The following KIR2DL3 variants were observed in gnomAD, a reference collection of about 807,000 sequenced individuals.
KIR2DL3 encodes the protein killer cell immunoglobulin-like receptor 2DL3.
A neutral mutation model predicts 33.8 loss-of-function variants in KIR2DL3; 39 were observed. The observed-to-expected ratio is 1.15, with a 90% CI of 0.89 to 1.51. The LOEUF is 1.51. Among genes scored for constraint, KIR2DL3 ranks in the 40% most tolerant of loss-of-function variants. The pLI is 0.00. For missense variants in KIR2DL3, 462 were observed against 426.2 expected (o/e 1.08, Z -0.74); for synonymous variants, 174 against 160.2 (o/e 1.09, Z -0.65).
intron 6 of KIR2DL3, 116 bp from the exon 7 acceptor site, chr19:54,752,100 T>C: frequency 8.6e-7 from 1 of 1,164,266 alleles, no homozygotes. Flanking sequence ...AGTCTGCTGT[T>C]GGCAACTGAG....
intron 5 of KIR2DL3, among the ~76,000 whole-genome samples, chr19:54,750,834 G>C (rs1173090352): frequency 7.5e-6 from 1 of 134,040 alleles, no homozygotes; most frequent in Non-Finnish European, 1.6e-5. Context: ...GGGACATATG[G>C]AGTCACCCCA....
At chr19:54,740,586 C>T (rs1317214822) in intron 2 of KIR2DL3, among the ~76,000 whole-genome samples, 2 of 151,594 alleles carry the variant, frequency 1.3e-5, no homozygotes, top group African/African-American at 4.9e-5. Flanking sequence ...CTCCTTGTCC[C>T]ACCTCCTGAA....
At position 54,739,510 on chromosome 19, in the gene KIR2DL3, T is replaced by A; in HGVS notation, c.38T>A (p.Phe13Tyr). The A allele has an allele frequency of 1.2e-6, 2 of 1,614,000 alleles. No individual in the cohort carries two copies. Among genetic ancestry groups the A allele is most frequent in the South Asian group, 2.2e-5 (2 of 91,078 alleles). ...LMVVSMVCVG[F>Y]FLLQGAWPHE... Reference sequence around the variant, plus strand: ...CCATCATGATCTTTCTTTCCAGGGTTCTTCTTGCTGCAGGGGGCCTGGCCA... The same window carrying A: ...CCATCATGATCTTTCTTTCCAGGGTACTTCTTGCTGCAGGGGGCCTGGCCA... The change falls in exon 2 of 8, where the codon TTC becomes TAC. Residue 13 changes from phenylalanine to tyrosine, a missense_variant. Phe to Tyr is a conservative substitution (Grantham distance 22). Coordinates refer to ENST00000342376, the MANE Select transcript of KIR2DL3 (RefSeq NM_015868.3).
intron 5 of KIR2DL3, among the ~76,000 whole-genome samples, chr19:54,748,610 A>G (rs2072936156): frequency 6.7e-6 from 1 of 148,398 alleles, no homozygotes; most frequent in Non-Finnish European, 1.5e-5. Context: ...TGTGCATGAA[A>G]TCTATTTTTT....
At chr19:54,744,793 G>T (rs1272334003) in intron 4 of KIR2DL3, among the ~76,000 whole-genome samples, 95 of 149,452 alleles carry the variant, frequency 6.4e-4, no homozygotes, top group African/African-American at 2.1e-3. Context: ...CCAAAGTGCT[G>T]GGATTACAGG....
Position 54,750,546 on chromosome 19 carries a change from C to G in KIR2DL3, c.716-1103C>G, listed in dbSNP as rs1355149855. The stretch of plus-strand genomic sequence containing the variant: ...TTTTGTTTCCTTTTCTTGGAGAATG[C>G]AAGTTGTTTGATTCAAGAATGCTGT... On this transcript the variant is annotated intron_variant, in intron 5 of 7. Coordinates refer to ENST00000342376, the MANE Select transcript of KIR2DL3 (RefSeq NM_015868.3). Among the ~76,000 whole-genome samples, 43 of 137,086 alleles carry G rather than the reference C, an allele frequency of 3.1e-4. 7 individuals are homozygous for G. Among genetic ancestry groups the G allele is most frequent in the African/African-American group, 1.2e-3 (43 of 36,370 alleles). The allele number at this position is 137,086 out of a possible 152,430, so 89.9% of individuals were successfully genotyped here.
chr19:54,742,306 T>C, intron 3 of KIR2DL3, 27 bp downstream of exon 3: 1 of 1,612,760 alleles, frequency 6.2e-7, no homozygotes, highest in Non-Finnish European at 8.5e-7. Flanking sequence ...ATTCTCATTG[T>C]CATTGGGATG....
intron 4 of KIR2DL3, among the ~76,000 whole-genome samples, chr19:54,744,726 C>T (rs1476844177): frequency 6.0e-5 from 9 of 150,522 alleles, no homozygotes; most frequent in Non-Finnish European, 1.3e-4. Flanking sequence ...GGGGTTTCAC[C>T]ATGTTGGTCG....
Position 54,742,147 on chromosome 19 carries a change from G to T in KIR2DL3, c.238G>T (p.Val80Phe). The change falls in exon 3 of 8, where the codon GTC becomes TTC. Residue 80 changes from valine to phenylalanine, a missense_variant. By Grantham distance (50) the Val-to-Phe change is conservative. Coordinates refer to ENST00000342376, the MANE Select transcript of KIR2DL3 (RefSeq NM_015868.3). ...CCTCATTGGAGAGCACCATGATGGG[G>T]TCTCCAAGGCCAACTTCTCCATCGG... ...LHLIGEHHDG[V>F]SKANFSIGPM... The T allele has an allele frequency of 1.2e-6, 2 of 1,614,096 alleles. No individual in the cohort carries two copies. The highest frequency in any genetic ancestry group is 1.7e-5 in the Admixed American group (1 of 60,008).
At chr19:54,748,421 A>G (rs1398198979) in intron 5 of KIR2DL3, among the ~76,000 whole-genome samples, 2 of 140,342 alleles carry the variant, frequency 1.4e-5, no homozygotes, top group African/African-American at 2.6e-5. Context: ...TTCACAAGCT[A>G]TGGAGGCTAG....
intron 4 of KIR2DL3, among the ~76,000 whole-genome samples, chr19:54,746,466 T>C: frequency 6.8e-6 from 1 of 148,042 alleles, no homozygotes; most frequent in African/African-American, 2.5e-5. Context: ...ATGTCTTCCT[T>C]CAGACAAATG....
chr19:54,751,674 G>T lies in KIR2DL3; in HGVS notation c.741G>T (p.Leu247=), dbSNP rs144994184. The T allele has an allele frequency of 3.2e-5, 46 of 1,442,466 alleles. 6 individuals carry two copies. Among genetic ancestry groups the T allele is most frequent in the Middle Eastern group, 1.9e-4 (1 of 5,294 alleles). 89.4% of individuals were successfully genotyped at this position (1,442,466 alleles called of 1,614,324 possible). A position where few individuals can be genotyped will look rare whatever the true frequency, so the allele number is the denominator to read the frequency against. The change falls in exon 6 of 8, where the codon CTG becomes CTT. Residue 247 remains leucine, a synonymous_variant. Coordinates refer to ENST00000342376, the MANE Select transcript of KIR2DL3 (RefSeq NM_015868.3). ...GTAACCCCAGACACCTGCATGTTCTGATTGGGACCTCAGTGGTCATCATCC... is the reference window on the plus strand; with the variant it reads ...GTAACCCCAGACACCTGCATGTTCTTATTGGGACCTCAGTGGTCATCATCC... ...ETGNPRHLHV[L]IGTSVVIILF... is the part of the protein sequence containing the mutation.
chr19:54,742,289 T>A lies in KIR2DL3; in HGVS notation c.370+10T>A. The A allele has an allele frequency of 6.2e-7, 1 of 1,611,160 alleles. No homozygotes were observed. The highest frequency in any genetic ancestry group is 8.5e-7 in the Non-Finnish European group (1 of 1,177,494). ...GACATCGTCATCACAGGTGAGAGTG[T>A]CCGGACATTCTCATTGTCATTGGGA... is the stretch of plus-strand genomic sequence containing the variant. On this transcript the variant is annotated intron_variant, in intron 3 of 7. Transcript: ENST00000342376.
intron 4 of KIR2DL3, among the ~76,000 whole-genome samples, chr19:54,746,393 T>A (rs200810645): frequency 3.5e-3 from 459 of 131,094 alleles, no homozygotes; most frequent in South Asian, 0.011. Context: ...GTTGCTTAGT[T>A]TGAGGTAATC....
chr19:54,744,745 T>G (rs1600379473), intron 4 of KIR2DL3, among the ~76,000 whole-genome samples: 1 of 150,484 alleles, frequency 6.6e-6, no homozygotes, highest in South Asian at 2.1e-4. Context: ...CGAGCTGGTC[T>G]CCAACTCCTG....
chr19:54,746,640 T>G (rs1408539356), intron 4 of KIR2DL3, among the ~76,000 whole-genome samples: 5 of 148,762 alleles, frequency 3.4e-5, no homozygotes, highest in Admixed American at 2.8e-4. Flanking sequence ...CACTGTTTAT[T>G]GAAAAGACTG....
intron 4 of KIR2DL3, among the ~76,000 whole-genome samples, chr19:54,744,948 ATATATATTTTTTTTTTT>A (rs2072168183): frequency 3.8e-5 from 1 of 26,256 alleles, no homozygotes; most frequent in African/African-American, 1.3e-4. Context: ...ATATATATAT[ATATATATTTTTTTTTTT>A]TTTTTTTTTT....
At chr19:54,738,852 A>G (rs1366687242) in intron 1 of KIR2DL3, among the ~76,000 whole-genome samples, 7 of 104,140 alleles carry the variant, frequency 6.7e-5, no homozygotes, top group African/African-American at 2.7e-4. Flanking sequence ...ATGGGCCTGC[A>G]GTAGAGATAG....
intron 3 of KIR2DL3, among the ~76,000 whole-genome samples, chr19:54,743,519 A>C (rs1337479886): frequency 1.3e-5 from 2 of 152,382 alleles, no homozygotes; most frequent in African/African-American, 2.4e-5. Context: ...GAATTTAAAA[A>C]AGTAACATCA....
Sources: allele counts gnomAD v4.1 joint callset (sites outside exome capture counted in the v4.1 genomes callset), GRCh38; gene constraint gnomAD v4.1.1; transcripts MANE v1.5; gene names NCBI Gene and HGNC (gene_info 2026-07-23, HGNC 2026-07-21).